The following UNC5D variants were observed in gnomAD, a reference collection of about 807,000 sequenced individuals.
UNC5D encodes unc-5 netrin receptor D.
A neutral mutation model predicts 105.4 loss-of-function variants in UNC5D; 39 were observed. That is an observed-to-expected ratio of 0.37 (90% CI 0.29 to 0.48). UNC5D has a LOEUF of 0.48. Among genes scored for constraint, UNC5D ranks in the 20% least tolerant of loss-of-function variants. The pLI, the probability that UNC5D is intolerant of heterozygous loss-of-function variation, is 0.98. For missense variants in UNC5D, 991 were observed against 1,202.4 expected (o/e 0.82, Z 2.60); for synonymous variants, 452 against 450.4 (o/e 1.00, Z -0.04).
At chr8:35,567,839 T>TCC (rs557241564) in intron 2 of UNC5D, among the ~76,000 whole-genome samples, 82 of 152,296 alleles carry the variant, frequency 5.4e-4, no homozygotes, top group African/African-American at 2.0e-3. Context: ...CAAACAGCAC[T>TCC]AAGTCAAGGT....
At chr8:35,353,656 T>C (rs1812401109) in intron 1 of UNC5D, among the ~76,000 whole-genome samples, 1 of 152,066 alleles carries the variant, frequency 6.6e-6, no homozygotes, top group Admixed American at 6.6e-5. Flanking sequence ...AGGGTTCCAA[T>C]TAAATGCAGA....
At chr8:35,374,463 G>A (rs1293014099) in intron 1 of UNC5D, among the ~76,000 whole-genome samples, 1 of 152,224 alleles carries the variant, frequency 6.6e-6, no homozygotes, top group East Asian at 1.9e-4. Context: ...ATTAAAGCAT[G>A]TGCAAAGCTT....
At chr8:35,363,264 G>A (rs902294111) in intron 1 of UNC5D, among the ~76,000 whole-genome samples, 1 of 152,136 alleles carries the variant, frequency 6.6e-6, no homozygotes, top group Non-Finnish European at 1.5e-5. Context: ...GCAAGGAGGA[G>A]CAAGTCACAT....
At chr8:35,622,527 A>G (rs933805159) in intron 4 of UNC5D, among the ~76,000 whole-genome samples, 1 of 152,176 alleles carries the variant, frequency 6.6e-6, no homozygotes, top group Non-Finnish European at 1.5e-5. Context: ...TCTGAACATA[A>G]GGGTCTTCAT....
At chr8:35,285,652 C>G (rs184986087) in intron 1 of UNC5D, among the ~76,000 whole-genome samples, 2 of 152,124 alleles carry the variant, frequency 1.3e-5, no homozygotes, top group Admixed American at 6.5e-5. Context: ...GAATTGTAAT[C>G]ACTGCTGTAT....
chr8:35,783,845 T>C (rs1001220535), intron 16 of UNC5D, among the ~76,000 whole-genome samples: 3 of 152,150 alleles, frequency 2.0e-5, no homozygotes, highest in African/African-American at 7.2e-5. Flanking sequence ...TCATGGTTCC[T>C]CAATTCTCTA....
chr8:35,281,959 C>T (rs1417932802), intron 1 of UNC5D, among the ~76,000 whole-genome samples: 1 of 152,088 alleles, frequency 6.6e-6, no homozygotes, highest in African/African-American at 2.4e-5. Flanking sequence ...ATGACCTATC[C>T]CTGCACATGT....
At chr8:35,447,818 C>G (rs1323237303) in intron 1 of UNC5D, among the ~76,000 whole-genome samples, 1 of 151,910 alleles carries the variant, frequency 6.6e-6, no homozygotes, top group Non-Finnish European at 1.5e-5. Context: ...AAATCTAGTT[C>G]CAAATATTTC....
At position 35,633,897 on chromosome 8, in the gene UNC5D, G is replaced by T. The variant is rs79814213; in HGVS notation, c.570+38240G>T. 8.5e-3 allele frequency among the ~76,000 whole-genome samples: 1,287 copies of T among 152,262 alleles called. 18 individuals carry two copies. The highest frequency in any genetic ancestry group is 0.03 in the African/African-American group (1,232 of 41,548). On this transcript the variant is annotated intron_variant, in intron 4 of 16. Coordinates refer to ENST00000404895, the MANE Select transcript of UNC5D (RefSeq NM_080872.4). ...ATAAGGTGGAAAGTCACTTACCCAA[G>T]AATCCTATCTGTAGAGCTAAGAAAG...
At chr8:35,665,674 T>C (rs973630882) in intron 4 of UNC5D, among the ~76,000 whole-genome samples, 2 of 151,566 alleles carry the variant, frequency 1.3e-5, no homozygotes, top group African/African-American at 4.8e-5. Flanking sequence ...TGCATTTTTT[T>C]CATTTTGCAG....
chr8:35,595,379 T>G (rs992670427), intron 3 of UNC5D, among the ~76,000 whole-genome samples, 175 bp from the exon 4 acceptor site: 3 of 152,196 alleles, frequency 2.0e-5, no homozygotes, highest in Admixed American at 1.3e-4. Flanking sequence ...TTCACATGCA[T>G]TTATGAATAT....
intron 1 of UNC5D, among the ~76,000 whole-genome samples, chr8:35,466,343 TC>T (rs1037298602): frequency 6.6e-6 from 1 of 152,222 alleles, no homozygotes; most frequent in African/African-American, 2.4e-5. Flanking sequence ...ATGTTCTGTA[TC>T]AGCACTTTTT....
At chr8:35,604,058 T>G (rs2130941471) in intron 4 of UNC5D, among the ~76,000 whole-genome samples, 1 of 152,308 alleles carries the variant, frequency 6.6e-6, no homozygotes, top group South Asian at 2.1e-4. Context: ...AGCTTAGTAT[T>G]GTTATGTGTG....
chr8:35,243,457 A>G (rs941606533), intron 1 of UNC5D, among the ~76,000 whole-genome samples: 2 of 152,158 alleles, frequency 1.3e-5, no homozygotes, highest in African/African-American at 4.8e-5. Flanking sequence ...ATTTCTTGTC[A>G]TAAAGAGGAA....
chr8:35,526,029 A>G (rs996945594), intron 1 of UNC5D, among the ~76,000 whole-genome samples: 1 of 152,166 alleles, frequency 6.6e-6, no homozygotes, highest in African/African-American at 2.4e-5. Context: ...GATTCACTGC[A>G]GTGTGACACT....
intron 16 of UNC5D, among the ~76,000 whole-genome samples, chr8:35,782,502 ATT>A (rs939339572): frequency 1.4e-4 from 19 of 138,186 alleles, no homozygotes; most frequent in East Asian, 2.1e-4. Context: ...CTACTCAAAA[ATT>A]TTTTTTTTTT....
intron 1 of UNC5D, among the ~76,000 whole-genome samples, chr8:35,282,382 C>G (rs1298310632): frequency 6.6e-6 from 1 of 152,054 alleles, no homozygotes; most frequent in Non-Finnish European, 1.5e-5. Flanking sequence ...AACAATAAGC[C>G]AAACTTATAC....
At chr8:35,318,824 G>T (rs1193807194) in intron 1 of UNC5D, among the ~76,000 whole-genome samples, 1 of 152,016 alleles carries the variant, frequency 6.6e-6, no homozygotes, top group Non-Finnish European at 1.5e-5. Context: ...AGAGACCTTT[G>T]ATAATGAGGC....
chr8:35,421,081 G>A (rs1022659558), intron 1 of UNC5D, among the ~76,000 whole-genome samples: 1 of 152,044 alleles, frequency 6.6e-6, no homozygotes, highest in African/African-American at 2.4e-5. Context: ...AGGGACTCTT[G>A]CCACAGAGGA....
Sources: allele counts gnomAD v4.1 joint callset (sites outside exome capture counted in the v4.1 genomes callset), GRCh38; gene constraint gnomAD v4.1.1; transcripts MANE v1.5; gene names NCBI Gene and HGNC (gene_info 2026-07-23, HGNC 2026-07-21).